The following GHR variants were observed in gnomAD, a reference collection of about 807,000 sequenced individuals.
GHR encodes the protein growth hormone receptor.
In GHR, 35 loss-of-function variants were observed where a neutral mutation model predicts 67.1. The observed-to-expected ratio is 0.52, with a 90% CI of 0.40 to 0.69. The LOEUF is 0.69. GHR is among the 30% of genes least tolerant of loss of function. The pLI, the probability that GHR is intolerant of heterozygous loss-of-function variation, is 0.00. For synonymous variants in GHR, 272 were observed against 269.1 expected, an observed-to-expected ratio of 1.01 and a Z score of -0.10; for missense variants, 792 against 764.6, an observed-to-expected ratio of 1.04 and a Z score of -0.42.
chr5:42,438,883 C>G (rs1393155276), intron 1 of GHR, among the ~76,000 whole-genome samples: 1 of 152,182 alleles, frequency 6.6e-6, no homozygotes, highest in Non-Finnish European at 1.5e-5. Flanking sequence ...TTCTAGGCCC[C>G]TACTCCTAGA....
chr5:42,688,841 C>T (rs1271422403), intron 3 of GHR, 49 bp from the exon 4 acceptor site: 1 of 1,580,764 alleles, frequency 6.3e-7, no homozygotes, highest in Admixed American at 1.7e-5. Flanking sequence ...ATTAGGATCA[C>T]ATATGACTCA....
In GHR at chr5:42,481,888, A is replaced by T. The variant is rs139914861; in HGVS notation, c.-12+57933A>T. Among the ~76,000 whole-genome samples, 1,154 of 152,132 alleles carry T rather than the reference A, an allele frequency of 7.6e-3. 6 individuals are homozygous for T. The highest frequency in any genetic ancestry group is 0.013 in the Non-Finnish European group (888 of 67,990). On this transcript the variant is annotated intron_variant, in intron 1 of 9. Transcript: ENST00000230882. ...GAAGCCTTCTTCTCTCAAGTCATCA[A>T]AGTCATTCTCCATCCATCTTTGTTC...
chr5:42,643,897 A>T (rs980057484), intron 3 of GHR, among the ~76,000 whole-genome samples: 11 of 152,254 alleles, frequency 7.2e-5, no homozygotes, highest in African/African-American at 2.2e-4. Flanking sequence ...GCATCTCACT[A>T]TTTTAAAATT....
chr5:42,718,423 A>G (rs1177802661), intron 9 of GHR, 30 bp from the exon 10 acceptor site: 1 of 1,523,230 alleles, frequency 6.6e-7, no homozygotes, highest in East Asian at 2.2e-5. Context: ...GTTTCTTTTC[A>G]TAGATCTTCA....
intron 1 of GHR, among the ~76,000 whole-genome samples, chr5:42,556,649 G>A (rs183833485): frequency 6.3e-4 from 96 of 152,252 alleles, no homozygotes; most frequent in Middle Eastern, 3.4e-3. Context: ...TCAAATAAGC[G>A]GCCATGCAAT....
At chr5:42,533,641 AT>A (rs1003770038) in intron 1 of GHR, among the ~76,000 whole-genome samples, 4 of 151,474 alleles carry the variant, frequency 2.6e-5, no homozygotes, top group African/African-American at 7.3e-5. Flanking sequence ...GCATAAATCA[AT>A]TTTTTTTACT....
intron 3 of GHR, among the ~76,000 whole-genome samples, chr5:42,641,905 A>C (rs1754494998): frequency 6.6e-6 from 1 of 152,064 alleles, no homozygotes; most frequent in Non-Finnish European, 1.5e-5. Context: ...GTGGGTGCCT[A>C]ATTGATTAGT....
Position 42,713,485 on chromosome 5 carries a change from A to T in GHR, c.841A>T (p.Met281Leu). 2.0e-6 allele frequency: 3 copies of T among 1,497,024 alleles called. No individual in the cohort carries two copies. The highest frequency in any genetic ancestry group is 2.8e-6 in the Non-Finnish European group (3 of 1,077,048). 92.7% of individuals were successfully genotyped at this position (1,497,024 alleles called of 1,614,324 possible). The change falls in exon 8 of 10, where the codon ATG becomes TTG. Residue 281 changes from methionine to leucine, a missense_variant. Transcript: ENST00000230882. The stretch of plus-strand genomic sequence containing the variant: ...CTTTGGAATATTTGGGCTAACAGTG[A>T]TGCTATTTGTATTCTTATTTTCTAA... ...IIFGIFGLTV[M>L]LFVFLFSKQQ...
intron 1 of GHR, among the ~76,000 whole-genome samples, chr5:42,544,639 T>C (rs961222308): frequency 2.0e-5 from 3 of 152,280 alleles, no homozygotes; most frequent in Non-Finnish European, 2.9e-5. Flanking sequence ...ATATCAGTGA[T>C]CCACCCTTGT....
chr5:42,671,772 C>T (rs562221891), intron 3 of GHR, among the ~76,000 whole-genome samples: 32 of 151,436 alleles, frequency 2.1e-4, no homozygotes, highest in African/African-American at 6.0e-4. Context: ...CCGGCTAAAA[C>T]GGTGAAACCC....
intron 2 of GHR, among the ~76,000 whole-genome samples, chr5:42,591,959 C>T (rs956412587): frequency 6.6e-6 from 1 of 152,074 alleles, no homozygotes; most frequent in Admixed American, 6.6e-5. Flanking sequence ...CTAACAGCAC[C>T]GAGTCTATTT....
Position 42,423,687 on chromosome 5 carries a change from AC to A in GHR, c.-276del, listed in dbSNP as rs1343217885. 6 of 150,998 alleles carry A rather than the reference AC, an allele frequency of 4.0e-5. No homozygotes were observed. The highest frequency in any genetic ancestry group is 1.5e-4 in the African/African-American group (6 of 40,686). 9.4% of individuals were successfully genotyped at this position (150,998 alleles called of 1,614,324 possible). ...CCCTCCCATCCTCCCTTCCCGTTTC[AC>A]CCCGCCCCCTCTCTCCTCCCCAAGC... On this transcript the variant is annotated 5_prime_UTR_variant, in exon 1 of 10. Coordinates refer to ENST00000230882, the MANE Select transcript of GHR (RefSeq NM_000163.5).
At chr5:42,569,644 A>G (rs1367821410) in intron 2 of GHR, among the ~76,000 whole-genome samples, 2 of 152,182 alleles carry the variant, frequency 1.3e-5, no homozygotes, top group African/African-American at 4.8e-5. Context: ...CATATATAGT[A>G]TCTACATGTA....
chr5:42,638,651 G>A lies in GHR; in HGVS notation c.136+9548G>A, dbSNP rs143069564. Among the ~76,000 whole-genome samples the A allele has an allele frequency of 4.6e-3, 699 of 152,240 alleles. 4 individuals carry two copies. The highest frequency in any genetic ancestry group is 6.9e-3 in the Non-Finnish European group (470 of 68,022). On this transcript the variant is annotated intron_variant, in intron 3 of 9. Coordinates refer to ENST00000230882, the MANE Select transcript of GHR (RefSeq NM_000163.5). ...ATATAGTATTGTAATCGTATGGGACGACTATCATATATGCAGTCTGTCGTT... is the reference window on the plus strand; with the variant it reads ...ATATAGTATTGTAATCGTATGGGACAACTATCATATATGCAGTCTGTCGTT...
intron 3 of GHR, among the ~76,000 whole-genome samples, chr5:42,671,653 A>AC (rs996044125): frequency 6.6e-6 from 1 of 151,244 alleles, no homozygotes; most frequent in Non-Finnish European, 1.5e-5. Flanking sequence ...AAAAAAAAAA[A>AC]AAAAACCTTA....
chr5:42,628,998 G>C, intron 2 of GHR, 40 bp from the exon 3 acceptor site: 5 of 1,121,888 alleles, frequency 4.5e-6, no homozygotes, highest in Non-Finnish European at 6.6e-6. Context: ...AGATTGTTTT[G>C]ATGGGGATGA....
intron 1 of GHR, among the ~76,000 whole-genome samples, chr5:42,522,864 G>A (rs527833885): frequency 3.9e-5 from 6 of 152,160 alleles, no homozygotes; most frequent in Non-Finnish European, 8.8e-5. Flanking sequence ...AAGGCCTCAT[G>A]TACTGAATGG....
intron 1 of GHR, among the ~76,000 whole-genome samples, chr5:42,522,272 T>C (rs1457508588): frequency 6.6e-6 from 1 of 152,130 alleles, no homozygotes; most frequent in Non-Finnish European, 1.5e-5. Context: ...ATCAAAAAAA[T>C]TTTTCTCATT....
chr5:42,619,213 AG>A (rs1753318094), intron 2 of GHR, among the ~76,000 whole-genome samples: 1 of 152,150 alleles, frequency 6.6e-6, no homozygotes, highest in Admixed American at 6.5e-5. Flanking sequence ...CATGGTGAAC[AG>A]TTCATAAGTT....
Sources: allele counts gnomAD v4.1 joint callset (sites outside exome capture counted in the v4.1 genomes callset), GRCh38; gene constraint gnomAD v4.1.1; transcripts MANE v1.5; gene names NCBI Gene and HGNC (gene_info 2026-07-23, HGNC 2026-07-21).